Variants in RBFOX1 observed in about 807,000 individuals in gnomAD.
The protein encoded by RBFOX1 is RNA binding protein fox-1 homolog 1.
A neutral mutation model predicts 57.7 loss-of-function variants in RBFOX1; 8 were observed. That is an observed-to-expected ratio of 0.14 (90% CI 0.08 to 0.25). The LOEUF is 0.25. Ranked by LOEUF, RBFOX1 falls within the 10% of genes least tolerant of loss-of-function variation. The pLI is 1.00. For missense variants in RBFOX1, 611 were observed against 548.5 expected, an observed-to-expected ratio of 1.11 and a Z score of -1.14; for synonymous variants, 326 against 222.4, an observed-to-expected ratio of 1.47 and a Z score of -4.15.
intron 4 of RBFOX1, among the ~76,000 whole-genome samples, chr16:7,150,450 A>G (rs1464530073): frequency 1.3e-5 from 2 of 152,176 alleles, no homozygotes; most frequent in South Asian, 2.1e-4. Context: ...CCATTGTGCA[A>G]TGTCAGCCAC....
At chr16:6,440,725 T>C (rs7194044) in intron 2 of RBFOX1, among the ~76,000 whole-genome samples, 67 of 149,432 alleles carry the variant, frequency 4.5e-4, no homozygotes, top group African/African-American at 1.6e-3. Context: ...CGCTTGAACT[T>C]GGGAGGCAGA....
intron 4 of RBFOX1, among the ~76,000 whole-genome samples, chr16:7,103,388 G>A (rs1171774915): frequency 6.6e-6 from 1 of 152,122 alleles, no homozygotes; most frequent in Non-Finnish European, 1.5e-5. Context: ...AAATGAAGCT[G>A]GCCTGGCCCA....
intron 1 of RBFOX1, among the ~76,000 whole-genome samples, chr16:5,441,792 C>G (rs2068092791): frequency 6.6e-6 from 1 of 152,168 alleles, no homozygotes; most frequent in Admixed American, 6.5e-5. Flanking sequence ...GAATGAGTGC[C>G]CAGTGAAGGG....
chr16:7,306,336 G>A (rs2142278884), intron 4 of RBFOX1, among the ~76,000 whole-genome samples: 1 of 152,262 alleles, frequency 6.6e-6, no homozygotes, highest in East Asian at 1.9e-4. Flanking sequence ...CATCTTCCAG[G>A]CAGTCTCTCC....
intron 2 of RBFOX1, among the ~76,000 whole-genome samples, chr16:6,506,695 T>A (rs955771166): frequency 7.5e-6 from 1 of 133,910 alleles, no homozygotes; most frequent in Non-Finnish European, 1.5e-5. Flanking sequence ...TCTCCCAGGC[T>A]GGAGTACAGT....
At chr16:7,095,112 CTTTT>C (rs899640936) in intron 4 of RBFOX1, among the ~76,000 whole-genome samples, 2 of 152,030 alleles carry the variant, frequency 1.3e-5, no homozygotes, top group East Asian at 1.9e-4. Context: ...TTCTTTCTTT[CTTTT>C]TTCTTTTTCT....
At position 7,110,889 on chromosome 16, in the gene RBFOX1, G is replaced by C. The variant is rs1194543243; in HGVS notation, c.27+58791G>C. Among the ~76,000 whole-genome samples the C allele has an allele frequency of 2.6e-5, 4 of 152,104 alleles. No individual in the cohort carries two copies. The South Asian group carries it at 8.3e-4, about 31-fold the overall frequency. The stretch of plus-strand genomic sequence containing the variant: ...TCCCTCCCATCCCAGGGTCAGCTGT[G>C]ATATAGAATTAAGATTTTTAACTTT... On this transcript the variant is annotated intron_variant, in intron 4 of 15. Coordinates refer to ENST00000550418, the MANE Select transcript of RBFOX1 (RefSeq NM_018723.4).
intron 4 of RBFOX1, among the ~76,000 whole-genome samples, chr16:7,418,768 G>C (rs1018156992): frequency 1.3e-5 from 1 of 74,738 alleles, no homozygotes; most frequent in Non-Finnish European, 2.6e-5. Flanking sequence ...CTCTCACTGT[G>C]TCTGTGTCTC....
intron 2 of RBFOX1, among the ~76,000 whole-genome samples, chr16:6,557,381 T>G (rs1229554587): frequency 6.6e-6 from 1 of 152,070 alleles, no homozygotes; most frequent in African/African-American, 2.4e-5. Context: ...TCAAATCGTA[T>G]TACATCAAGA....
chr16:5,972,803 C>T (rs1480101299), intron 4 of RBFOX1, among the ~76,000 whole-genome samples: 2 of 152,206 alleles, frequency 1.3e-5, no homozygotes, highest in Non-Finnish European at 2.9e-5. Flanking sequence ...CCTTCCTGGG[C>T]ACCATGCACC....
At chr16:7,642,715 A>G (rs2063051478) in intron 11 of RBFOX1, among the ~76,000 whole-genome samples, 4 of 152,134 alleles carry the variant, frequency 2.6e-5, no homozygotes, top group Admixed American at 1.3e-4. Context: ...TTTCCCGGGA[A>G]ACAACAACAT....
intron 1 of RBFOX1, among the ~76,000 whole-genome samples, chr16:6,082,176 CTTTTTTTTTTTTTTTT>C (rs58215856): frequency 1.1e-5 from 1 of 89,906 alleles, no homozygotes; most frequent in African/African-American, 5.5e-5. Context: ...AATACCAGTG[CTTTTTTTTTTTTTTTT>C]TTTTTTGAGA....
intron 4 of RBFOX1, among the ~76,000 whole-genome samples, chr16:7,498,666 C>A (rs1421234762): frequency 6.6e-6 from 1 of 152,100 alleles, no homozygotes; most frequent in Non-Finnish European, 1.5e-5. Context: ...TGAAATCTGG[C>A]GTGCAGTTGC....
At position 7,029,266 on chromosome 16, in the gene RBFOX1, ACGT is replaced by A. The variant is rs1219228177; in HGVS notation, c.-15-22790_-15-22788del. On this transcript the variant is annotated intron_variant, in intron 3 of 15. Transcript: ENST00000550418. Reference sequence around the variant, plus strand: ...CGTATATATATACACACATATATATACGTATACGTATATATATACACATATATA... The same window carrying A: ...CGTATATATATACACACATATATATAATACGTATATATATACACATATATA... Among the ~76,000 whole-genome samples, 45 of 134,490 alleles carry A rather than the reference ACGT, an allele frequency of 3.3e-4. 2 individuals carry two copies. Among genetic ancestry groups the A allele is most frequent in the African/African-American group, 1.2e-3 (44 of 35,312 alleles). 88.2% of individuals were successfully genotyped at this position (134,490 alleles called of 152,430 possible).
At chr16:7,377,500 A>T (rs1371346821) in intron 4 of RBFOX1, among the ~76,000 whole-genome samples, 1 of 152,240 alleles carries the variant, frequency 6.6e-6, no homozygotes, top group East Asian at 1.9e-4. Flanking sequence ...TGGAAAAAAA[A>T]TACTGTAGTA....
At chr16:7,537,498 C>G (rs1466683617) in intron 5 of RBFOX1, among the ~76,000 whole-genome samples, 3 of 152,156 alleles carry the variant, frequency 2.0e-5, no homozygotes, top group East Asian at 1.9e-4. Context: ...ATGTCTGACT[C>G]TAGACCTACA....
intron 1 of RBFOX1, among the ~76,000 whole-genome samples, chr16:6,142,653 G>A (rs2096727966): frequency 6.6e-6 from 1 of 152,142 alleles, no homozygotes; most frequent in Non-Finnish European, 1.5e-5. Context: ...AGTACTGATT[G>A]GTTGAATGAA....
chr16:7,035,275 C>G (rs2044064236), intron 3 of RBFOX1, among the ~76,000 whole-genome samples: 1 of 152,084 alleles, frequency 6.6e-6, no homozygotes, highest in Non-Finnish European at 1.5e-5. Context: ...CCGCACCCTC[C>G]CCTTCATTCC....
chr16:5,807,073 A>G (rs2055254335), intron 3 of RBFOX1, among the ~76,000 whole-genome samples: 1 of 152,188 alleles, frequency 6.6e-6, no homozygotes, highest in Non-Finnish European at 1.5e-5. Flanking sequence ...TGGGAAGATG[A>G]GGCATTCAGG....
Sources: gnomAD v4.1 joint callset for allele counts (sites outside exome capture counted in the v4.1 genomes callset) on GRCh38, gnomAD v4.1.1 for gene constraint, MANE v1.5 for transcripts, NCBI Gene and HGNC (gene_info 2026-07-23, HGNC 2026-07-21) for gene names.